KPNA1: variants seen among roughly 807,000 people sequenced by gnomAD.
KPNA1 encodes the protein importin subunit alpha-5.
A neutral mutation model predicts 70.5 loss-of-function variants in KPNA1; 10 were observed. That is an observed-to-expected ratio of 0.14 (90% CI 0.09 to 0.24). The LOEUF (loss-of-function observed/expected upper bound fraction) is 0.24. Ranked by LOEUF, KPNA1 falls within the 10% of genes least tolerant of loss-of-function variation. KPNA1 has a pLI of 1.00. For synonymous variants in KPNA1, 192 were observed against 221.9 expected, an observed-to-expected ratio of 0.87 and a Z score of 1.20; for missense variants, 397 against 637.9, an observed-to-expected ratio of 0.62 and a Z score of 4.07.
intron 4 of KPNA1, 25 bp downstream of exon 4, chr3:122,463,917 T>C (rs186503263): frequency 7.6e-6 from 10 of 1,319,458 alleles, no homozygotes; most frequent in African/African-American, 4.4e-5. Flanking sequence ...GATGAAAAAA[T>C]ATACTGAACA....
intron 2 of KPNA1, among the ~76,000 whole-genome samples, chr3:122,470,035 A>T (rs191828146): frequency 7.2e-5 from 11 of 152,340 alleles, no homozygotes; most frequent in Admixed American, 1.3e-4. Context: ...CAAAAAGGAA[A>T]TGATACAGGT....
At chr3:122,513,932 G>T (rs1302209487) in intron 1 of KPNA1, among the ~76,000 whole-genome samples, 1 of 152,148 alleles carries the variant, frequency 6.6e-6, no homozygotes, top group Admixed American at 6.5e-5. Context: ...GCAATCGTTT[G>T]TTCTGAGTTG....
chr3:122,437,358 A>C, intron 10 of KPNA1, 63 bp from the exon 11 acceptor site: 2 of 1,239,552 alleles, frequency 1.6e-6, no homozygotes, highest in African/African-American at 3.1e-5. Context: ...GTTTAACTTA[A>C]GGAACACATT....
At chr3:122,496,637 G>C in intron 1 of KPNA1, 67 bp from the exon 2 acceptor site, 1 of 1,455,840 alleles carries the variant, frequency 6.9e-7, no homozygotes, top group South Asian at 1.2e-5. Context: ...TAAGAGCTCA[G>C]TCTTTTAAAC....
chr3:122,437,609 A>G (rs56380082), intron 10 of KPNA1, among the ~76,000 whole-genome samples: 20,271 of 152,248 alleles, frequency 0.13, 1,432 homozygotes, highest in Middle Eastern at 0.27. Flanking sequence ...ATGGGTAAAT[A>G]TATCAAGTGG....
At chr3:122,476,355 A>G (rs2076497271) in intron 2 of KPNA1, among the ~76,000 whole-genome samples, 1 of 152,172 alleles carries the variant, frequency 6.6e-6, no homozygotes, top group South Asian at 2.1e-4. Flanking sequence ...GCTTCTTGAC[A>G]CTGGTCTAGA....
At chr3:122,508,736 C>T (rs1411348191) in intron 1 of KPNA1, among the ~76,000 whole-genome samples, 3 of 152,140 alleles carry the variant, frequency 2.0e-5, no homozygotes, top group African/African-American at 7.2e-5. Flanking sequence ...CCACCAGCTA[C>T]TCTCTTCACC....
At chr3:122,439,081 A>C (rs2076028724) in intron 10 of KPNA1, among the ~76,000 whole-genome samples, 1 of 152,244 alleles carries the variant, frequency 6.6e-6, no homozygotes, top group Non-Finnish European at 1.5e-5. Flanking sequence ...TAAATAGGCA[A>C]TAGGATTTCA....
At chr3:122,476,861 C>CAAAATAAAAAAAAAAAAAAAAAAA (rs2076503863) in intron 2 of KPNA1, among the ~76,000 whole-genome samples, 1 of 65,490 alleles carries the variant, frequency 1.5e-5, no homozygotes, top group African/African-American at 5.8e-5. Flanking sequence ...GGAGGTTCCA[C>CAAAATAAAAAAAAAAAAAAAAAAA]AAAAAAAAAA....
chr3:122,436,518 T>G (rs2075990774), intron 11 of KPNA1, among the ~76,000 whole-genome samples: 1 of 152,224 alleles, frequency 6.6e-6, no homozygotes, highest in Non-Finnish European at 1.5e-5. Flanking sequence ...TCTCTTGTAC[T>G]CTTTCCCTTT....
chr3:122,431,200 C>T (rs1158752694), intron 12 of KPNA1, among the ~76,000 whole-genome samples: 1 of 152,194 alleles, frequency 6.6e-6, no homozygotes, highest in Admixed American at 6.5e-5. Context: ...CTCACTCTGT[C>T]TCCGAGGGTG....
intron 13 of KPNA1, 175 bp downstream of exon 13, chr3:122,427,363 T>C (rs1487660724): frequency 2.7e-6 from 2 of 747,000 alleles, no homozygotes; most frequent in Non-Finnish European, 4.3e-6. Flanking sequence ...AAAGCTAGTA[T>C]TATAAACTGA....
At chr3:122,440,548 A>G (rs2076049163) in intron 10 of KPNA1, among the ~76,000 whole-genome samples, 1 of 152,238 alleles carries the variant, frequency 6.6e-6, no homozygotes, top group African/African-American at 2.4e-5. Flanking sequence ...CAGAGGGTAT[A>G]AAAGACTCCA....
At chr3:122,436,463 CGTGCCGATAT>C (rs2075989891) in intron 11 of KPNA1, among the ~76,000 whole-genome samples, 1 of 152,234 alleles carries the variant, frequency 6.6e-6, no homozygotes, top group Non-Finnish European at 1.5e-5. Flanking sequence ...CATCACGGAA[CGTGCCGATAT>C]GTGATGTCTC....
chr3:122,493,246 A>C (rs948624087), intron 2 of KPNA1, among the ~76,000 whole-genome samples: 20 of 152,212 alleles, frequency 1.3e-4, no homozygotes, highest in Admixed American at 9.8e-4. Context: ...ACTAATCAAC[A>C]TAATAATCTA....
chr3:122,471,504 G>A (rs565295429), intron 2 of KPNA1, among the ~76,000 whole-genome samples: 48 of 152,310 alleles, frequency 3.2e-4, no homozygotes, highest in African/African-American at 1.1e-3. Flanking sequence ...CAGATTAAAA[G>A]TAAATAGATG....
At chr3:122,460,765 G>C in intron 5 of KPNA1, 1 of 687,850 alleles carries the variant, frequency 1.5e-6, no homozygotes, top group Non-Finnish European at 1.8e-6. Context: ...ACAGATTCCT[G>C]ACAAAGTTAT....
At chr3:122,466,016 T>TA (rs1479418039) in intron 3 of KPNA1, among the ~76,000 whole-genome samples, 3 of 152,164 alleles carry the variant, frequency 2.0e-5, no homozygotes, top group African/African-American at 7.2e-5. Flanking sequence ...TAAAACACTT[T>TA]ATATTCACTT....
At chr3:122,460,109 T>C (rs977884825) in intron 5 of KPNA1, 21 of 985,334 alleles carry the variant, frequency 2.1e-5, no homozygotes, top group African/African-American at 5.2e-5. Context: ...CCAATTTTTA[T>C]AGCTGCATAG....
Sources: gnomAD v4.1 joint callset for allele counts (sites outside exome capture counted in the v4.1 genomes callset) on GRCh38, gnomAD v4.1.1 for gene constraint, MANE v1.5 for transcripts, NCBI Gene and HGNC (gene_info 2026-07-23, HGNC 2026-07-21) for gene names.